The following NOTCH3 variants were observed in gnomAD, a reference collection of about 807,000 sequenced individuals.
NOTCH3 encodes notch receptor 3, also known as neurogenic locus notch homolog protein 3.
Under a neutral mutation model 213.3 loss-of-function variants are expected in NOTCH3, and 86 were observed. That is an observed-to-expected ratio of 0.40 (90% CI 0.34 to 0.48). The LOEUF (loss-of-function observed/expected upper bound fraction) is 0.48, where lower values mean the gene tolerates loss of function less well. Among genes scored for constraint, NOTCH3 ranks in the 20% least tolerant of loss-of-function variants. The pLI, the probability that NOTCH3 is intolerant of heterozygous loss-of-function variation, is 0.57. For missense variants in NOTCH3, 2,783 were observed against 3,272.6 expected (o/e 0.85, Z 3.65); for synonymous variants, 1,354 against 1,355.9 (o/e 1.00, Z 0.03).
intron 10 of NOTCH3, 133 bp from the exon 11 acceptor site, chr19:15,187,471 G>GCCCCCCCCCCCCCCCCCCCCCCCCCTC: frequency 1.5e-6 from 1 of 653,370 alleles, no homozygotes. Flanking sequence ...CTCAATACAG[G>GCCCCCCCCCCCCCCCCCCCCCCCCCTC]CCCCACCCCC....
At chr19:15,197,441 G>GCGGCGCCC in intron 2 of NOTCH3, 59 bp downstream of exon 2, 2 of 768,364 alleles carry the variant, frequency 2.6e-6, no homozygotes, top group Non-Finnish European at 4.6e-6. Context: ...AAGACAAATC[G>GCGGCGCCC]CCCCTCCCCC....
Position 15,160,868 on chromosome 19 carries a change from G to A in NOTCH3, c.6760C>T (p.His2254Tyr). 6.2e-7 allele frequency: 1 copy of A among 1,613,844 alleles called. No homozygotes were observed. Among genetic ancestry groups the A allele is most frequent in the Non-Finnish European group, 8.5e-7 (1 of 1,179,818 alleles). Residue 2254 changes from histidine to tyrosine, a missense_variant, in exon 33 of 33, where the codon CAC (histidine) becomes TAC (tyrosine). Physicochemically the swap from His to Tyr is moderately conservative, Grantham distance 83 (BLOSUM62 2). This residue lies in a region of NOTCH3 where 441 missense variants were observed against 432.1 expected (regional missense o/e 1.02). Transcript: ENST00000263388. ...YLTPSPESPE[H>Y]WASPSPPSLS... ...GAGGGAGGTGAGGGGCTGGCCCAGT[G>A]CTCAGGGGATTCGGGGGATGGGGTC...
chr19:15,188,401 G>A (rs760949166), intron 8 of NOTCH3, 53 bp from the exon 9 acceptor site: 24 of 1,185,624 alleles, frequency 2.0e-5, no homozygotes, highest in Non-Finnish European at 2.6e-5. Flanking sequence ...TGGTGTGAAC[G>A]GGGTGCAAGG....
chr19:15,193,218 T>A (rs895429699), intron 2 of NOTCH3, among the ~76,000 whole-genome samples: 5 of 151,934 alleles, frequency 3.3e-5, no homozygotes, highest in Admixed American at 6.6e-5. Context: ...ACTTTTTTTT[T>A]AAATGGCTCT....
In NOTCH3 at chr19:15,197,663, C is replaced by T. The variant is rs1486584476; in HGVS notation, c.119-85G>A. On this transcript the variant is annotated intron_variant, in intron 1 of 32. Transcript: ENST00000263388. The stretch of plus-strand genomic sequence containing the variant: ...GTGACAAACCCCCTCCCTCCCTCCA[C>T]CAGGCAACAGCTGCATGGGGATGGG... 9 of 1,218,422 alleles carry T rather than the reference C, an allele frequency of 7.4e-6. No homozygotes were observed. The African/African-American group carries it at 1.2e-4, about 16-fold the overall frequency. 75.5% of individuals were successfully genotyped at this position (1,218,422 alleles called of 1,614,324 possible). A position where few individuals can be genotyped will look rare whatever the true frequency, so the allele number is the denominator to read the frequency against.
rs1413235627 is a variant in NOTCH3 at position 15,189,119 on chromosome 19, C to A, written c.1248G>T (p.Leu416=). The A allele has an allele frequency of 6.2e-7, 1 of 1,613,370 alleles. No homozygotes were observed. Among genetic ancestry groups the A allele is most frequent in the East Asian group, 2.2e-5 (1 of 44,880 alleles). ...CAGTGTAGCCACGACCGCACTGGCA[C>A]AGGAAGGAGCCCTGCGTGTTCACGC... is the stretch of plus-strand genomic sequence containing the variant. The part of the protein sequence containing the change: ...GRCVNTQGSF[L]CQCGRGYTGP... The change falls in exon 8 of 33, where the codon CTG becomes CTT. Residue 416 remains leucine (L), a synonymous_variant. Coordinates refer to ENST00000263388, the MANE Select transcript of NOTCH3 (RefSeq NM_000435.3).
In NOTCH3 at chr19:15,177,535, G is replaced by C; in HGVS notation, c.4393C>G (p.Arg1465Gly). Reference protein sequence around the residue: ...NFDCHAGGRERTCNPVYEKYC... With the variant: ...NFDCHAGGREGTCNPVYEKYC... Reference sequence around the variant, plus strand: ...GGTGGATGGGCTCACTTGCAAGTGCGCTCGCGGCCACCGGCGTGGCAGTCG... The same window carrying C: ...GGTGGATGGGCTCACTTGCAAGTGCCCTCGCGGCCACCGGCGTGGCAGTCG... The change falls in exon 24 of 33, where the codon CGC becomes GGC. Residue 1465 changes from arginine to glycine, a missense_variant. By Grantham distance (125) the Arg-to-Gly change is moderately radical. Around this residue, in one of 6 missense-constraint regions of NOTCH3, gnomAD observed 636 missense variants for 801.8 expected, o/e 0.79. Transcript: ENST00000263388. 6.2e-7 allele frequency: 1 copy of C among 1,609,746 alleles called. No homozygotes were observed. The highest frequency in any genetic ancestry group is 8.5e-7 in the Non-Finnish European group (1 of 1,178,606).
intron 8 of NOTCH3, 65 bp downstream of exon 8, chr19:15,188,924 A>G: frequency 6.6e-7 from 1 of 1,510,670 alleles, no homozygotes; most frequent in East Asian, 2.4e-5. Context: ...TCAGCTCCCC[A>G]TCCGCGGGCT....
At position 15,165,581 on chromosome 19, in the gene NOTCH3, A is replaced by T; in HGVS notation, c.5668-66T>A. The T allele has an allele frequency of 3.9e-6, 6 of 1,539,100 alleles. No homozygotes were observed. Among genetic ancestry groups the T allele is most frequent in the Non-Finnish European group, 4.4e-6 (5 of 1,138,670 alleles). On this transcript the variant is annotated intron_variant, in intron 30 of 32. Transcript: ENST00000263388. This position sits in a 1 kb window ranked among gnomAD's most constrained non-coding sequence, Gnocchi z 4.7. The stretch of plus-strand genomic sequence containing the variant: ...GAACAGAGGAATCAGGAGCACCCCT[A>T]AGTCCCATGAAGTCCCCAACCCCCA...
chr19:15,167,457 T>C (rs1411953972), intron 28 of NOTCH3, 46 bp from the exon 29 acceptor site: 1 of 1,588,072 alleles, frequency 6.3e-7, no homozygotes, highest in Non-Finnish European at 8.5e-7. Flanking sequence ...CCTTTGGTGC[T>C]GGGGAGAGCC....
chr19:15,166,174 C>T, intron 29 of NOTCH3, 83 bp from the exon 30 acceptor site: 1 of 1,202,990 alleles, frequency 8.3e-7, no homozygotes, highest in Non-Finnish European at 1.2e-6. Context: ...CCATTAGGAG[C>T]TAATGGGACA....
chr19:15,177,892 G>A lies in NOTCH3; in HGVS notation c.4036C>T (p.His1346Tyr). The A allele has an allele frequency of 8.0e-7, 1 of 1,255,672 alleles. No homozygotes were observed. Among genetic ancestry groups the A allele is most frequent in the South Asian group, 3.0e-5 (1 of 33,338 alleles). The allele number at this position is 1,255,672 out of a possible 1,614,324, so 77.8% of individuals were successfully genotyped here. The change falls in exon 24 of 33, where the codon CAC (histidine) becomes TAC (tyrosine). Residue 1346 changes from histidine to tyrosine, a missense_variant. Physicochemically the swap from His to Tyr is moderately conservative, Grantham distance 83. This residue lies in a region of NOTCH3 where 133 missense variants were observed against 201.9 expected (regional missense o/e 0.66). Transcript: ENST00000263388. ...NASCAAAPCL[H>Y]GGSCRPAPLA... ...GGCGCGGGGCGGCAGGAGCCCCCGT[G>A]GAGACAGGGGGCGGCCGCGCAGCTG...
In NOTCH3 at chr19:15,192,103, C is replaced by T. The variant is rs142778401; in HGVS notation, c.536G>A (p.Gly179Asp). 1 of 1,613,152 alleles carries T rather than the reference C, an allele frequency of 6.2e-7. No individual in the cohort carries two copies. Among genetic ancestry groups the T allele is most frequent in the South Asian group, 1.1e-5 (1 of 91,086 alleles). ...RHGGTCLNTP[G>D]SFRCQCPAGY... ...AGCTGGACACTGGCAGCGGAAGGAG[C>T]CAGGTGTGTTGAGGCAGGTGCCACC... is the stretch of plus-strand genomic sequence containing the variant. The change falls in exon 4 of 33, where the codon GGC (glycine) becomes GAC (aspartate). Residue 179 changes from glycine to aspartate, a missense_variant. Gly to Asp is a moderately conservative substitution (Grantham distance 94, BLOSUM62 -1). This residue lies in a region of NOTCH3 where 708 missense variants were observed against 906.6 expected (regional missense o/e 0.78). Transcript: ENST00000263388.
At chr19:15,173,054 CTCTTCTTCTTCTTCTTCTTCTTCTTCT>C (rs1219069116) in intron 25 of NOTCH3, among the ~76,000 whole-genome samples, 1 of 5,526 alleles carries the variant, frequency 1.8e-4, no homozygotes, top group Non-Finnish European at 3.5e-4. Context: ...TCCCTCCTCC[CTCTTCTTCTTCTTCTTCTTCTTCTTCT>C]TCTTCTTCTT....
In NOTCH3 at chr19:15,180,760, A is replaced by G. The variant is rs2145421783; in HGVS notation, c.3063T>C (p.Tyr1021=). The G allele has an allele frequency of 6.2e-7, 1 of 1,600,410 alleles. No homozygotes were observed. The change falls in exon 19 of 33, where the codon TAT becomes TAC. Residue 1021 remains tyrosine (Y), a synonymous_variant. Coordinates refer to ENST00000263388, the MANE Select transcript of NOTCH3 (RefSeq NM_000435.3). ...CGCTCCATCCAGGGGGACAAAGGCA[A>G]TAGGCCCCAGTCTGGACGCAGCGAC... The part of the protein sequence containing the change: ...NGGRCVQTGA[Y]CLCPPGWSGR...
At position 15,165,879 on chromosome 19, in the gene NOTCH3, G is replaced by A. The variant is rs759209508; in HGVS notation, c.5575C>T (p.Leu1859=). Reference sequence around the variant, plus strand: ...GCATTGGTGTCTGCCCCAGCATCCAGCAGCCGCTTGGCTGCATCAGCACGG... The same window carrying A: ...GCATTGGTGTCTGCCCCAGCATCCAACAGCCGCTTGGCTGCATCAGCACGG... ...YARADAAKRL[L]DAGADTNAQD... Residue 1859 remains leucine, a synonymous_variant, in exon 30 of 33, where the codon CTG becomes TTG. Coordinates refer to ENST00000263388, the MANE Select transcript of NOTCH3 (RefSeq NM_000435.3). This position sits in a 1 kb window ranked among gnomAD's most constrained non-coding sequence, Gnocchi z 4.7. 5.0e-6 allele frequency: 8 copies of A among 1,614,006 alleles called. No individual in the cohort carries two copies. The African/African-American group carries it at 9.3e-5, about 19-fold the overall frequency.
Position 15,197,571 on chromosome 19 carries a change from A to C in NOTCH3, c.126T>G (p.Pro42=). 6.2e-7 allele frequency: 1 copy of C among 1,611,416 alleles called. No individual in the cohort carries two copies. Among genetic ancestry groups the C allele is most frequent in the African/African-American group, 1.3e-5 (1 of 74,924 alleles). The change falls in exon 2 of 33, where the codon CCT becomes CCG. Residue 42 remains proline, a synonymous_variant. Transcript: ENST00000263388. ...LLAGPGAAAP[P]CLDGSPCANG... The stretch of plus-strand genomic sequence containing the variant: ...TTGCACACGGGCTTCCGTCCAGGCA[A>C]GGGGGGGCTGTGTGGGGGTGAAGGA...
In NOTCH3 at chr19:15,159,320, T is replaced by C. The variant is rs2046621300; in HGVS notation, c.*1342A>G. On this transcript the variant is annotated 3_prime_UTR_variant, in exon 33 of 33. Coordinates refer to ENST00000263388, the MANE Select transcript of NOTCH3 (RefSeq NM_000435.3). ...TTCTTCTGCCCTGTTTGCTTGTCTC[T>C]TTGCCCACCACCTCGAATTGGCCAC... The C allele has an allele frequency of 6.3e-6, 1 of 158,268 alleles. No individual in the cohort carries two copies. The highest frequency in any genetic ancestry group is 1.4e-5 in the Non-Finnish European group (1 of 71,574). The allele number at this position is 158,268 out of a possible 1,614,324, so 9.8% of individuals were successfully genotyped here. A position where few individuals can be genotyped will look rare whatever the true frequency, so the allele number is the denominator to read the frequency against.
At chr19:15,170,909 G>T in intron 25 of NOTCH3, 84 bp from the exon 26 acceptor site, 1 of 1,496,628 alleles carries the variant, frequency 6.7e-7, no homozygotes, top group Non-Finnish European at 9.1e-7. Context: ...TCCCTCCCCA[G>T]CGCCTGGCTC....
Sources: gnomAD v4.1 joint callset for allele counts (sites outside exome capture counted in the v4.1 genomes callset) on GRCh38, gnomAD v4.1.1 for gene constraint, gnomAD v4.1.1 regional missense constraint, Gnocchi (gnomAD v3.1) non-coding constraint, MANE v1.5 for transcripts, NCBI Gene and HGNC (gene_info 2026-07-23, HGNC 2026-07-21) for gene names.